CPVL: variants seen among roughly 807,000 people sequenced by gnomAD.
CPVL encodes the protein carboxypeptidase vitellogenic like.
In CPVL, 51 loss-of-function variants were observed where a neutral mutation model predicts 63.7. The observed-to-expected ratio is 0.80, with a 90% CI of 0.64 to 1.01. The LOEUF is 1.01. CPVL is among the 50% of genes least tolerant of loss of function. CPVL has a pLI of 0.00. For missense variants in CPVL, 530 were observed against 573.1 expected (o/e 0.92, Z 0.77); for synonymous variants, 195 against 206.0 (o/e 0.95, Z 0.46).
At chr7:29,073,407 C>T (rs160862) in intron 7 of CPVL, among the ~76,000 whole-genome samples, 64,461 of 151,976 alleles carry the variant, frequency 0.42, 15,329 homozygotes, top group Non-Finnish European at 0.52. Flanking sequence ...CCTCATTGGC[C>T]TCCTTCTTTT....
chr7:29,080,860 T>C (rs1039187501), intron 7 of CPVL, among the ~76,000 whole-genome samples: 1 of 152,192 alleles, frequency 6.6e-6, no homozygotes, highest in Non-Finnish European at 1.5e-5. Context: ...AGCTTCAAAG[T>C]TTTGTCTCTA....
intron 3 of CPVL, among the ~76,000 whole-genome samples, chr7:29,097,655 C>T (rs1290502665): frequency 1.3e-5 from 2 of 152,186 alleles, no homozygotes; most frequent in Non-Finnish European, 1.5e-5. Context: ...GAGATAGCAC[C>T]ACTGTACTCA....
intron 11 of CPVL, among the ~76,000 whole-genome samples, chr7:29,046,571 A>G (rs998456188): frequency 4.9e-5 from 5 of 102,848 alleles, no homozygotes; most frequent in African/African-American, 2.7e-4. Flanking sequence ...GCGCGTGCAC[A>G]CACACACACA....
intron 1 of CPVL, among the ~76,000 whole-genome samples, chr7:29,190,470 C>T (rs1562817683): frequency 6.6e-6 from 1 of 152,156 alleles, no homozygotes; most frequent in Non-Finnish European, 1.5e-5. Flanking sequence ...CCACGTTCAC[C>T]CTGCAGTGCT....
chr7:29,106,781 G>C (rs1032854139), intron 3 of CPVL, among the ~76,000 whole-genome samples: 2 of 152,152 alleles, frequency 1.3e-5, no homozygotes, highest in Non-Finnish European at 2.9e-5. Context: ...AGATCTCACA[G>C]CCACAGCCTA....
intron 7 of CPVL, among the ~76,000 whole-genome samples, chr7:29,072,901 T>C (rs1379260895): frequency 6.6e-6 from 1 of 152,204 alleles, no homozygotes; most frequent in Non-Finnish European, 1.5e-5. Context: ...GCCACTAAAA[T>C]TTTCACTTGA....
intron 10 of CPVL, 51 bp downstream of exon 10, chr7:29,065,972 T>A (rs1562750389): frequency 1.8e-6 from 2 of 1,127,878 alleles, no homozygotes; most frequent in Non-Finnish European, 2.6e-6. Flanking sequence ...GAAGTTCGGT[T>A]TTGCCAAAAG....
At chr7:29,085,925 C>T (rs1347092695) in intron 7 of CPVL, among the ~76,000 whole-genome samples, 1 of 152,180 alleles carries the variant, frequency 6.6e-6, no homozygotes, top group Non-Finnish European at 1.5e-5. Flanking sequence ...GGACAACAAA[C>T]AAGGCAGATG....
intron 1 of CPVL, among the ~76,000 whole-genome samples, chr7:29,187,405 A>G (rs1424554875): frequency 6.6e-6 from 1 of 151,970 alleles, no homozygotes; most frequent in African/African-American, 2.4e-5. Context: ...GTACTCTGTT[A>G]TATTATACAT....
At chr7:29,050,342 TC>T (rs1277928882) in intron 11 of CPVL, among the ~76,000 whole-genome samples, 2 of 151,942 alleles carry the variant, frequency 1.3e-5, no homozygotes, top group Non-Finnish European at 2.9e-5. Context: ...AATCAGTAGC[TC>T]TTCTATACGC....
intron 1 of CPVL, among the ~76,000 whole-genome samples, chr7:29,130,888 C>T (rs528722741): frequency 6.6e-6 from 1 of 152,310 alleles, no homozygotes; most frequent in East Asian, 1.9e-4. Context: ...AATCACAGGT[C>T]CACAGATTGC....
chr7:29,034,215 C>T (rs1788299927), intron 11 of CPVL, among the ~76,000 whole-genome samples: 2 of 152,136 alleles, frequency 1.3e-5, no homozygotes, highest in Non-Finnish European at 2.9e-5. Flanking sequence ...AGCCATCCTC[C>T]CATCTCAGCC....
At chr7:29,140,870 T>G (rs1791795249) in intron 1 of CPVL, among the ~76,000 whole-genome samples, 1 of 152,132 alleles carries the variant, frequency 6.6e-6, no homozygotes, top group Non-Finnish European at 1.5e-5. Context: ...AAATAGAGCT[T>G]TTCTCCACTT....
chr7:29,153,224 G>A, intron 5 of CPVL, among the ~76,000 whole-genome samples: 1 of 152,108 alleles, frequency 6.6e-6, no homozygotes, highest in East Asian at 1.9e-4. Context: ...ATGGTATGTG[G>A]GCCTCTGTGT....
chr7:29,096,087 T>G lies in CPVL; in HGVS notation c.403+16A>C, dbSNP rs1185651735. Reference sequence around the variant, plus strand: ...ATGAAAGATTCTATAGGAAATACAGTGCAAGGGATACTTACAGGTCATGTT... The same window carrying G: ...ATGAAAGATTCTATAGGAAATACAGGGCAAGGGATACTTACAGGTCATGTT... On this transcript the variant is annotated intron_variant, in intron 4 of 12. Coordinates refer to ENST00000265394, the MANE Select transcript of CPVL (RefSeq NM_031311.5). 3 of 1,586,698 alleles carry G rather than the reference T, an allele frequency of 1.9e-6. No homozygotes were observed. The African/African-American group carries it at 4.0e-5, about 21-fold the overall frequency.
At chr7:29,088,778 C>A (rs1785470505) in intron 6 of CPVL, among the ~76,000 whole-genome samples, 1 of 152,112 alleles carries the variant, frequency 6.6e-6, no homozygotes. Flanking sequence ...AGATTGAGAC[C>A]ATTCTGGCCA....
At chr7:29,155,082 A>ACAGGACCTG (rs1794161478) in intron 5 of CPVL, among the ~76,000 whole-genome samples, 1 of 152,092 alleles carries the variant, frequency 6.6e-6, no homozygotes, top group Non-Finnish European at 1.5e-5. Context: ...GGAGAACAGC[A>ACAGGACCTG]CAGGACCTGC....
chr7:29,057,170 C>T (rs1245894511), intron 11 of CPVL, among the ~76,000 whole-genome samples: 1 of 151,804 alleles, frequency 6.6e-6, no homozygotes, highest in East Asian at 1.9e-4. Flanking sequence ...CTATGTTGTC[C>T]AAGCTGGTTT....
At chr7:29,124,333 G>C (rs764430828) in intron 1 of CPVL, among the ~76,000 whole-genome samples, 6 of 152,066 alleles carry the variant, frequency 3.9e-5, no homozygotes, top group Non-Finnish European at 7.4e-5. Flanking sequence ...GAAAACAGTG[G>C]TGCTATTTCC....
Sources: allele counts gnomAD v4.1 joint callset (sites outside exome capture counted in the v4.1 genomes callset), GRCh38; gene constraint gnomAD v4.1.1; transcripts MANE v1.5; gene names NCBI Gene and HGNC (gene_info 2026-07-23, HGNC 2026-07-21).